The following AKAP19 variants were observed in gnomAD, a reference collection of about 807,000 sequenced individuals.
The protein encoded by AKAP19 is A-kinase anchoring protein 19.
chr2:189,910,973 C>G, the AKAP19 span, among the ~76,000 whole-genome samples: 1 of 152,086 alleles, frequency 6.6e-6, no homozygotes, highest in East Asian at 1.9e-4. Flanking sequence ...TAACATACTT[C>G]TCTAAAGGAA....
At chr2:190,028,768 C>A in the AKAP19 span, among the ~76,000 whole-genome samples, 16 of 152,006 alleles carry the variant, frequency 1.1e-4, no homozygotes, top group Non-Finnish European at 1.9e-4. Flanking sequence ...AGGTGTTATA[C>A]CTCATTAAGA....
the AKAP19 span, among the ~76,000 whole-genome samples, chr2:190,095,187 A>C: frequency 2.6e-5 from 4 of 152,160 alleles, no homozygotes; most frequent in Non-Finnish European, 5.9e-5. Context: ...ACACCACTGC[A>C]CTCTAGTCTG....
the AKAP19 span, among the ~76,000 whole-genome samples, chr2:190,051,952 C>T: frequency 1.1e-3 from 165 of 152,096 alleles, 4 homozygotes; most frequent in East Asian, 0.03. Flanking sequence ...ATTCTCCTGC[C>T]TCAGCCTCCT....
At chr2:189,942,006 G>C in the AKAP19 span, among the ~76,000 whole-genome samples, 1 of 152,066 alleles carries the variant, frequency 6.6e-6, no homozygotes, top group African/African-American at 2.4e-5. Flanking sequence ...AAAAAGAGCA[G>C]GGGGAGCTAA....
chr2:190,096,312 G>A, the AKAP19 span, among the ~76,000 whole-genome samples: 1 of 152,196 alleles, frequency 6.6e-6, no homozygotes, highest in Non-Finnish European at 1.5e-5. Flanking sequence ...ACATTACAAA[G>A]TTACCACAGT....
At chr2:189,888,333 A>G in the AKAP19 span, among the ~76,000 whole-genome samples, 38 of 152,322 alleles carry the variant, frequency 2.5e-4, no homozygotes, top group Non-Finnish European at 4.3e-4. Context: ...TACCAGTACC[A>G]TGCTGTTTTG....
the AKAP19 span, chr2:190,057,517 A>G: frequency 3.1e-6 from 5 of 1,613,442 alleles, no homozygotes; most frequent in African/African-American, 1.3e-5. Flanking sequence ...AAAAGCTTCA[A>G]AATCCACAGT....
the AKAP19 span, among the ~76,000 whole-genome samples, chr2:189,968,985 C>G: frequency 6.6e-6 from 1 of 151,868 alleles, no homozygotes; most frequent in South Asian, 2.1e-4. Context: ...TATCCAAATA[C>G]CTGCAGAGTC....
At chr2:189,950,001 C>A in the AKAP19 span, among the ~76,000 whole-genome samples, 4 of 145,462 alleles carry the variant, frequency 2.7e-5, no homozygotes, top group Non-Finnish European at 4.5e-5. Flanking sequence ...CAGAATCAAT[C>A]ATGTTATCTT....
chr2:190,013,879 C>T, the AKAP19 span, among the ~76,000 whole-genome samples: 1,780 of 152,076 alleles, frequency 0.012, 38 homozygotes, highest in African/African-American at 0.041. Context: ...TAAAAAAAAC[C>T]AACTCTTGGT....
At chr2:189,974,311 A>C in the AKAP19 span, among the ~76,000 whole-genome samples, 1 of 152,042 alleles carries the variant, frequency 6.6e-6, no homozygotes, top group Non-Finnish European at 1.5e-5. Flanking sequence ...CTTAATCCTG[A>C]GTTCTAGTTT....
the AKAP19 span, among the ~76,000 whole-genome samples, chr2:190,192,792 T>C: frequency 7.2e-5 from 11 of 152,208 alleles, no homozygotes; most frequent in Non-Finnish European, 1.6e-4. Flanking sequence ...TTTGATGCTA[T>C]TGCAAATGGC....
chr2:190,042,442 A>T, the AKAP19 span, among the ~76,000 whole-genome samples: 7 of 141,590 alleles, frequency 4.9e-5, no homozygotes, highest in South Asian at 4.6e-4. Context: ...TATTTTATTA[A>T]TTTTTTTTTT....
chr2:189,982,778 C>T, the AKAP19 span, among the ~76,000 whole-genome samples: 3 of 151,506 alleles, frequency 2.0e-5, no homozygotes, highest in African/African-American at 7.3e-5. Context: ...GGCCAAGGCT[C>T]TGTAGGGGCT....
the AKAP19 span, among the ~76,000 whole-genome samples, chr2:189,951,194 C>CTTTTTTTT: frequency 3.3e-5 from 2 of 60,406 alleles, no homozygotes; most frequent in African/African-American, 1.3e-4. Context: ...CTGAATCCTC[C>CTTTTTTTT]TTTTTTTTTT....
the AKAP19 span, chr2:190,057,522 C>T: frequency 6.2e-7 from 1 of 1,613,502 alleles, no homozygotes. Context: ...CTTCAAAATC[C>T]ACAGTTAGAG....
At chr2:189,967,630 G>T in the AKAP19 span, among the ~76,000 whole-genome samples, 4 of 152,058 alleles carry the variant, frequency 2.6e-5, no homozygotes, top group Non-Finnish European at 4.4e-5. Context: ...GAAGCAAAAT[G>T]ATCCTATATA....
At chr2:190,197,645 C>G in the AKAP19 span, among the ~76,000 whole-genome samples, 4 of 152,214 alleles carry the variant, frequency 2.6e-5, no homozygotes, top group Non-Finnish European at 5.9e-5. This position sits in a 1 kb window ranked among gnomAD's most constrained non-coding sequence, Gnocchi z 4.0. Context: ...CCACAATGAC[C>G]ATCTGTGGGA....
chr2:189,889,910 G>A, the AKAP19 span, among the ~76,000 whole-genome samples: 4 of 152,138 alleles, frequency 2.6e-5, no homozygotes, highest in South Asian at 4.2e-4. Flanking sequence ...AGGGTTTTTC[G>A]TGTCTCTATC....
Sources: allele counts gnomAD v4.1 joint callset (sites outside exome capture counted in the v4.1 genomes callset), GRCh38; gene constraint gnomAD v4.1.1; non-coding constraint Gnocchi (gnomAD v3.1); transcripts MANE v1.5; gene names NCBI Gene and HGNC (gene_info 2026-07-23, HGNC 2026-07-21).